The following SLC7A2 variants were observed in gnomAD, a reference collection of about 807,000 sequenced individuals.
SLC7A2 encodes cationic amino acid transporter 2.
SLC7A2 carries 48 observed loss-of-function variants against 58.9 expected under a neutral mutation model. The ratio of observed to expected loss-of-function variants is 0.82; its 90% CI spans 0.65 to 1.04. SLC7A2 has a LOEUF of 1.04. Among genes scored for constraint, SLC7A2 ranks in the 50% least tolerant of loss-of-function variants. SLC7A2 has a pLI of 0.00. For synonymous variants in SLC7A2, 363 were observed against 314.5 expected (o/e 1.15, Z -1.63); for missense variants, 1,029 against 818.8 (o/e 1.26, Z -3.13).
At chr8:17,547,040 G>A (rs1455068315) in intron 4 of SLC7A2, among the ~76,000 whole-genome samples, 2 of 152,004 alleles carry the variant, frequency 1.3e-5, no homozygotes, top group Non-Finnish European at 2.9e-5. Flanking sequence ...TACATAATCT[G>A]TTGTACATGG....
chr8:17,536,547 A>G lies in SLC7A2; in HGVS notation c.-22-6771A>G, dbSNP rs28379598. ...CCACTGCACTCCAGCCTGCCACAAAACAAACAAACGAACAAACAATTCTAC... is the reference window on the plus strand; with the variant it reads ...CCACTGCACTCCAGCCTGCCACAAAGCAAACAAACGAACAAACAATTCTAC... On this transcript the variant is annotated intron_variant, in intron 2 of 12. Transcript: ENST00000494857. Among the ~76,000 whole-genome samples, 947 of 152,318 alleles carry G rather than the reference A, an allele frequency of 6.2e-3. 6 individuals are homozygous for G. Among genetic ancestry groups the G allele is most frequent in the African/African-American group, 0.022 (915 of 41,562 alleles).
At chr8:17,562,173 G>C (rs942488421) in intron 11 of SLC7A2, 63 bp downstream of exon 11, 60 of 694,524 alleles carry the variant, frequency 8.6e-5, no homozygotes, top group African/African-American at 2.3e-4. Flanking sequence ...TAATTAGTTT[G>C]GTAAGTATTT....
intron 2 of SLC7A2, among the ~76,000 whole-genome samples, chr8:17,512,969 C>T (rs1800664943): frequency 6.6e-6 from 1 of 152,174 alleles, no homozygotes; most frequent in African/African-American, 2.4e-5. Flanking sequence ...GTCAGAATTT[C>T]CGTCTATTTT....
rs774193511 is a variant in SLC7A2, at chr8:17,561,981, C to A, written c.1542C>A (p.Tyr514Ter). The stretch of plus-strand genomic sequence containing the variant: ...TGGGCCTGAGTGTCTTGACCACTTA[C>A]GGAGTTCATGCCATCACCAGGCTGG... ...LVLGLSVLTTYGVHAITRLEA... is the reference protein window; with the variant it reads ...LVLGLSVLTT Residue 514 changes from tyrosine (Y) to a stop codon, truncating the protein, a stop_gained, in exon 11 of 13, where the codon TAC becomes TAA. Coordinates refer to ENST00000494857, the MANE Select transcript of SLC7A2 (RefSeq NM_001370338.1). LOFTEE classifies it high-confidence loss of function. 1.9e-6 allele frequency: 3 copies of A among 1,614,112 alleles called. No individual in the cohort carries two copies. The highest frequency in any genetic ancestry group is 2.2e-5 in the East Asian group (1 of 44,870).
At chr8:17,501,499 T>C (rs1162686840) in intron 1 of SLC7A2, among the ~76,000 whole-genome samples, 3 of 152,088 alleles carry the variant, frequency 2.0e-5, no homozygotes, top group African/African-American at 7.2e-5. Flanking sequence ...ATTTAGACTT[T>C]TATTTAGACT....
At chr8:17,501,010 CTTT>C (rs375110186) in intron 1 of SLC7A2, among the ~76,000 whole-genome samples, 21 of 144,644 alleles carry the variant, frequency 1.5e-4, no homozygotes, top group East Asian at 4.0e-4. Flanking sequence ...TTCTTATCGA[CTTT>C]TTTTTTTTTT....
At position 17,563,631 on chromosome 8, in the gene SLC7A2, T is replaced by C; in HGVS notation, c.1700T>C (p.Phe567Ser). The change falls in exon 12 of 13, where the codon TTC becomes TCC. Residue 567 changes from phenylalanine (F) to serine (S), a missense_variant. Physicochemically the swap from Phe to Ser is radical, Grantham distance 155. Coordinates refer to ENST00000494857, the MANE Select transcript of SLC7A2 (RefSeq NM_001370338.1). Reference protein sequence around the residue: ...MVPFLPFLPAFSILVNIYLMV... With the variant: ...MVPFLPFLPASSILVNIYLMV... ...CCATTCTTACCATTTTTGCCAGCGT[T>C]CAGCATCTTGGTGAACATTTACTTG... 1 of 1,613,342 alleles carries C rather than the reference T, an allele frequency of 6.2e-7. No individual in the cohort carries two copies. Among genetic ancestry groups the C allele is most frequent in the Non-Finnish European group, 8.5e-7 (1 of 1,179,440 alleles).
intron 2 of SLC7A2, among the ~76,000 whole-genome samples, chr8:17,503,877 G>C (rs1370803028): frequency 2.0e-5 from 3 of 152,166 alleles, no homozygotes; most frequent in Non-Finnish European, 4.4e-5. Flanking sequence ...AATTGTTTGG[G>C]AGACGTCTTT....
At chr8:17,544,694 T>C in intron 4 of SLC7A2, 88 bp downstream of exon 4, 1 of 1,135,616 alleles carries the variant, frequency 8.8e-7, no homozygotes, top group Non-Finnish European at 1.3e-6. Context: ...GGGCCTGAGT[T>C]CCCAAGATGA....
At chr8:17,554,142 A>G (rs1461405886) in intron 7 of SLC7A2, among the ~76,000 whole-genome samples, 1 of 152,240 alleles carries the variant, frequency 6.6e-6, no homozygotes, top group African/African-American at 2.4e-5. Flanking sequence ...TGCTTATGAA[A>G]TAAAATTACT....
chr8:17,554,944 A>G (rs1340458862), intron 8 of SLC7A2: 3 of 1,613,614 alleles, frequency 1.9e-6, no homozygotes, highest in Non-Finnish European at 2.5e-6. Flanking sequence ...TTTCTGTTCT[A>G]GTCTTCTGGG....
chr8:17,560,648 C>T (rs1398677406), intron 10 of SLC7A2, 115 bp downstream of exon 10: 6 of 840,654 alleles, frequency 7.1e-6, no homozygotes, highest in Admixed American at 6.3e-5. Context: ...TATTAGCAAC[C>T]ACCCTGAAAT....
At chr8:17,534,963 C>A (rs996116162) in intron 2 of SLC7A2, among the ~76,000 whole-genome samples, 2 of 152,158 alleles carry the variant, frequency 1.3e-5, no homozygotes, top group Admixed American at 1.3e-4. Flanking sequence ...ACCGCCCTTC[C>A]CCTAGAGCAG....
chr8:17,558,892 C>A (rs572940374), intron 9 of SLC7A2, among the ~76,000 whole-genome samples: 1 of 152,174 alleles, frequency 6.6e-6, no homozygotes, highest in Non-Finnish European at 1.5e-5. Context: ...AGAAATATAT[C>A]CATTTCAGGA....
chr8:17,547,824 T>TGTGTGTGTG (rs1802250200), intron 4 of SLC7A2, among the ~76,000 whole-genome samples: 1 of 101,662 alleles, frequency 9.8e-6, no homozygotes. Flanking sequence ...GTGTGTGTGT[T>TGTGTGTGTG]TACAAAATTT....
At chr8:17,525,984 C>G (rs899051052) in intron 2 of SLC7A2, among the ~76,000 whole-genome samples, 2 of 151,978 alleles carry the variant, frequency 1.3e-5, no homozygotes, top group Non-Finnish European at 2.9e-5. Context: ...TAGAACATTC[C>G]CTCATGACTA....
intron 2 of SLC7A2, among the ~76,000 whole-genome samples, chr8:17,507,971 A>G (rs1180821545): frequency 6.6e-6 from 1 of 152,180 alleles, no homozygotes; most frequent in African/African-American, 2.4e-5. Context: ...TTACCAGAAA[A>G]TGGGAAAATA....
intron 1 of SLC7A2, among the ~76,000 whole-genome samples, chr8:17,499,422 TTC>T (rs369582174): frequency 6.7e-6 from 1 of 150,132 alleles, no homozygotes; most frequent in African/African-American, 2.5e-5. Flanking sequence ...CTCTCCCCCC[TTC>T]TCTCTCTGTG....
chr8:17,532,240 A>AAC (rs1801484710), intron 2 of SLC7A2, among the ~76,000 whole-genome samples: 1 of 109,250 alleles, frequency 9.2e-6, no homozygotes, highest in Admixed American at 1.1e-4. Context: ...AAAAAAAAAA[A>AAC]AAAAAAAAAA....
Sources: allele counts gnomAD v4.1 joint callset (sites outside exome capture counted in the v4.1 genomes callset), GRCh38; gene constraint gnomAD v4.1.1; transcripts MANE v1.5; gene names NCBI Gene and HGNC (gene_info 2026-07-23, HGNC 2026-07-21).